The following LPP variants were observed in gnomAD, a reference collection of about 807,000 sequenced individuals.
LPP encodes lipoma-preferred partner.
In LPP, 38 loss-of-function variants were observed where a neutral mutation model predicts 60.4. The observed-to-expected ratio is 0.63, with a 90% CI of 0.49 to 0.83. The LOEUF (loss-of-function observed/expected upper bound fraction) is 0.83, where lower values mean the gene tolerates loss of function less well. Ranked by LOEUF, LPP falls within the 40% of genes least tolerant of loss-of-function variation. The pLI, the probability that LPP is intolerant of heterozygous loss-of-function variation, is 0.00. For missense variants in LPP, 902 were observed against 783.6 expected (o/e 1.15, Z -1.80); for synonymous variants, 328 against 290.8 (o/e 1.13, Z -1.30).
intron 9 of LPP, among the ~76,000 whole-genome samples, chr3:188,846,344 T>A (rs1180329808): frequency 6.6e-6 from 1 of 152,050 alleles, no homozygotes; most frequent in Non-Finnish European, 1.5e-5. Flanking sequence ...GCTATATAAG[T>A]GATAAGGATA....
chr3:188,402,525 T>G (rs1782494172), intron 3 of LPP, among the ~76,000 whole-genome samples: 1 of 152,212 alleles, frequency 6.6e-6, no homozygotes, highest in South Asian at 2.1e-4. Flanking sequence ...AATGCCAAGA[T>G]AGTTCAATAT....
intron 8 of LPP, among the ~76,000 whole-genome samples, chr3:188,731,492 G>A (rs1720456406): frequency 9.5e-6 from 1 of 105,068 alleles, no homozygotes; most frequent in African/African-American, 3.9e-5. Context: ...GGTCATTTTT[G>A]TCTAATCTTT....
chr3:188,633,598 T>C (rs1002879271), intron 7 of LPP, among the ~76,000 whole-genome samples: 6 of 152,120 alleles, frequency 3.9e-5, no homozygotes, highest in African/African-American at 9.7e-5. Flanking sequence ...AGATAACATA[T>C]TCTAATGGCA....
At position 188,336,346 on chromosome 3, in the gene LPP, A is replaced by G. The variant is rs577888176; in HGVS notation, c.-66-5317A>G. On this transcript the variant is annotated intron_variant, in intron 2 of 11. Transcript: ENST00000617246. Reference sequence around the variant, plus strand: ...TTGGATGTAGGCTTCCCACAGAGCCAGGATTTGTGACTCTGAGACATTACT... The same window carrying G: ...TTGGATGTAGGCTTCCCACAGAGCCGGGATTTGTGACTCTGAGACATTACT... Among the ~76,000 whole-genome samples, 5 of 152,250 alleles carry G rather than the reference A, an allele frequency of 3.3e-5. No homozygotes were observed. In the East Asian group the frequency reaches 9.7e-4, roughly 29 times the overall value.
At chr3:188,474,981 G>A (rs1284882110) in intron 4 of LPP, among the ~76,000 whole-genome samples, 1 of 152,190 alleles carries the variant, frequency 6.6e-6, no homozygotes, top group Non-Finnish European at 1.5e-5. Flanking sequence ...GATGTGCAGA[G>A]CTAGACTATT....
At chr3:188,746,476 T>C (rs770763614) in intron 8 of LPP, 7 of 483,616 alleles carry the variant, frequency 1.4e-5, no homozygotes, top group South Asian at 4.6e-5. Flanking sequence ...ATCTCTTCTT[T>C]GAACTTAACA....
intron 9 of LPP, among the ~76,000 whole-genome samples, chr3:188,843,796 A>C (rs1180188591): frequency 6.7e-6 from 1 of 149,330 alleles, no homozygotes; most frequent in East Asian, 2.0e-4. Context: ...CAAAAAAAAA[A>C]AATCCTTCCT....
chr3:188,309,321 G>A (rs4686949), intron 2 of LPP, among the ~76,000 whole-genome samples: 18,355 of 151,982 alleles, frequency 0.12, 1,557 homozygotes, highest in East Asian at 0.34. Context: ...GCACCTGTCC[G>A]GAGCCTGCGT....
At chr3:188,663,135 G>T (rs1262253311) in intron 7 of LPP, among the ~76,000 whole-genome samples, 2 of 152,226 alleles carry the variant, frequency 1.3e-5, no homozygotes, top group African/African-American at 2.4e-5. Flanking sequence ...AACTGTGGGG[G>T]CTGGGATTAA....
intron 9 of LPP, among the ~76,000 whole-genome samples, chr3:188,852,802 C>A (rs879701764): frequency 1.3e-5 from 2 of 152,052 alleles, no homozygotes; most frequent in African/African-American, 2.4e-5. Flanking sequence ...CAACTGAGGA[C>A]TTCAAAGGTA....
At chr3:188,855,127 G>C (rs771654505) in intron 9 of LPP, among the ~76,000 whole-genome samples, 6 of 152,150 alleles carry the variant, frequency 3.9e-5, no homozygotes, top group African/African-American at 7.2e-5. Flanking sequence ...TAATTTCTAT[G>C]TTGTGTGATT....
At chr3:188,426,762 T>A (rs1018640096) in intron 4 of LPP, among the ~76,000 whole-genome samples, 2 of 152,182 alleles carry the variant, frequency 1.3e-5, no homozygotes, top group Non-Finnish European at 2.9e-5. Flanking sequence ...TATCAGAGAC[T>A]AGGATTGCAA....
chr3:188,864,323 G>A (rs1342082519), intron 9 of LPP, among the ~76,000 whole-genome samples: 2 of 152,098 alleles, frequency 1.3e-5, no homozygotes, highest in African/African-American at 4.8e-5. Context: ...TGCCAGAGTG[G>A]GATATAAACA....
At chr3:188,274,257 C>T (rs774341263) in intron 2 of LPP, among the ~76,000 whole-genome samples, 5 of 152,138 alleles carry the variant, frequency 3.3e-5, no homozygotes, top group Non-Finnish European at 7.3e-5. Flanking sequence ...TATAATTGCT[C>T]AAATTGTGAG....
intron 6 of LPP, among the ~76,000 whole-genome samples, chr3:188,537,661 T>G (rs1824002156): frequency 6.6e-6 from 1 of 152,178 alleles, no homozygotes; most frequent in Admixed American, 6.6e-5. Flanking sequence ...GTAATATTGT[T>G]AAGTGGGATA....
chr3:188,332,402 A>T (rs546556569), intron 2 of LPP, among the ~76,000 whole-genome samples: 258 of 152,328 alleles, frequency 1.7e-3, no homozygotes, highest in Non-Finnish European at 2.8e-3. Flanking sequence ...CAATACATTT[A>T]AAAAAATTAA....
chr3:188,448,720 A>T (rs1053775986), intron 4 of LPP, among the ~76,000 whole-genome samples: 15 of 152,154 alleles, frequency 9.9e-5, no homozygotes, highest in Non-Finnish European at 1.5e-4. Context: ...GCCTGTGTAT[A>T]TGGCAAATGG....
At chr3:188,155,925 G>A (rs1479726504) in intron 1 of LPP, among the ~76,000 whole-genome samples, 2 of 152,106 alleles carry the variant, frequency 1.3e-5, no homozygotes, top group African/African-American at 4.8e-5. Flanking sequence ...TGAGGCAGGA[G>A]AATCGCTTGA....
rs1430461334 is a variant in LPP at position 188,884,523 on chromosome 3, A to G, written c.*10044A>G. The G allele has an allele frequency of 2.6e-5, 6 of 228,616 alleles. No individual in the cohort carries two copies. The highest frequency in any genetic ancestry group is 1.1e-4 in the African/African-American group (5 of 45,108). The allele number at this position is 228,616 out of a possible 1,614,324, so 14.2% of individuals were successfully genotyped here. ...TCAGCACTGTGAGGAAGTTGGTGGGAAAAGGCCACTGATAAGAACAAACAA... is the reference window on the plus strand; with the variant it reads ...TCAGCACTGTGAGGAAGTTGGTGGGGAAAGGCCACTGATAAGAACAAACAA... On this transcript the variant is annotated 3_prime_UTR_variant, in exon 12 of 12. Transcript: ENST00000617246.
Sources: gnomAD v4.1 joint callset for allele counts (sites outside exome capture counted in the v4.1 genomes callset) on GRCh38, gnomAD v4.1.1 for gene constraint, MANE v1.5 for transcripts, NCBI Gene and HGNC (gene_info 2026-07-23, HGNC 2026-07-21) for gene names.